RGS6: variants seen among roughly 807,000 people sequenced by gnomAD.
The protein encoded by RGS6 is regulator of G-protein signaling 6.
RGS6 carries 30 observed loss-of-function variants against 78.5 expected under a neutral mutation model. The ratio of observed to expected loss-of-function variants is 0.38; its 90% CI spans 0.29 to 0.52. The LOEUF (loss-of-function observed/expected upper bound fraction) is 0.52. Among genes scored for constraint, RGS6 ranks in the 20% least tolerant of loss-of-function variants. The probability of loss-of-function intolerance (pLI) is 0.85; values close to 1 mark genes in which losing one functional copy is unlikely to be tolerated. For missense variants in RGS6, 495 were observed against 609.7 expected, an observed-to-expected ratio of 0.81 and a Z score of 1.98; for synonymous variants, 206 against 206.0, an observed-to-expected ratio of 1.00 and a Z score of 0.00.
chr14:72,276,517 G>A (rs1184027631), intron 2 of RGS6, among the ~76,000 whole-genome samples: 3 of 152,194 alleles, frequency 2.0e-5, no homozygotes, highest in African/African-American at 2.4e-5. Context: ...TGGTTTTGCT[G>A]TGTCCCCACC....
chr14:72,311,067 C>G (rs570042452), intron 2 of RGS6, among the ~76,000 whole-genome samples: 5 of 152,230 alleles, frequency 3.3e-5, no homozygotes, highest in South Asian at 2.1e-4. Flanking sequence ...TGCGATCACT[C>G]TAGCCGAAGA....
intron 2 of RGS6, among the ~76,000 whole-genome samples, chr14:72,185,008 G>A (rs950188882): frequency 6.6e-6 from 1 of 152,176 alleles, no homozygotes; most frequent in African/African-American, 2.4e-5. Context: ...AAGTAGGGAA[G>A]CCAACAGTGT....
intron 3 of RGS6, among the ~76,000 whole-genome samples, chr14:72,366,286 C>G (rs2082438305): frequency 6.6e-6 from 1 of 152,050 alleles, no homozygotes; most frequent in African/African-American, 2.4e-5. Flanking sequence ...GTTGGTTCAC[C>G]TGTGGGTTCG....
At chr14:72,480,024 A>G (rs1013914696) in intron 12 of RGS6, among the ~76,000 whole-genome samples, 3 of 152,214 alleles carry the variant, frequency 2.0e-5, no homozygotes, top group African/African-American at 7.2e-5. Flanking sequence ...GCTCAGGTCC[A>G]GTGGTTCTAA....
chr14:72,381,208 A>G (rs984511354), intron 3 of RGS6, among the ~76,000 whole-genome samples: 1 of 152,084 alleles, frequency 6.6e-6, no homozygotes. Context: ...ACAAAATTAC[A>G]GATAGAAGTA....
At chr14:71,880,343 A>G in the RGS6 span, among the ~76,000 whole-genome samples, 1 of 152,246 alleles carries the variant, frequency 6.6e-6, no homozygotes, top group Non-Finnish European at 1.5e-5. Flanking sequence ...AGAAATTCGC[A>G]TTAGTAATGA....
At chr14:72,181,717 T>A (rs1435487437) in intron 2 of RGS6, among the ~76,000 whole-genome samples, 2 of 152,210 alleles carry the variant, frequency 1.3e-5, no homozygotes, top group South Asian at 2.1e-4. Flanking sequence ...AGGTTCTCTA[T>A]AACCTTGAAT....
the RGS6 span, among the ~76,000 whole-genome samples, chr14:72,608,753 TG>T: frequency 6.6e-6 from 1 of 152,208 alleles, no homozygotes; most frequent in East Asian, 1.9e-4. Context: ...GTGGCTTCCC[TG>T]GTGCTATGTA....
At chr14:72,629,077 G>A in the RGS6 span, among the ~76,000 whole-genome samples, 1 of 152,192 alleles carries the variant, frequency 6.6e-6, no homozygotes, top group African/African-American at 2.4e-5. Context: ...ACGACTGGAT[G>A]TTTGATTGTA....
chr14:71,917,574 T>A, the RGS6 span, among the ~76,000 whole-genome samples: 2 of 152,152 alleles, frequency 1.3e-5, no homozygotes, highest in African/African-American at 4.8e-5. Flanking sequence ...AAGTCACAGC[T>A]TAGGCTGCAG....
At chr14:72,073,438 T>G (rs1420084799) in intron 2 of RGS6, among the ~76,000 whole-genome samples, 1 of 152,218 alleles carries the variant, frequency 6.6e-6, no homozygotes, top group Non-Finnish European at 1.5e-5. Flanking sequence ...TATACATACA[T>G]TTAAGAAAGA....
chr14:72,068,394 C>A (rs908737710), intron 2 of RGS6, among the ~76,000 whole-genome samples: 1 of 152,036 alleles, frequency 6.6e-6, no homozygotes, highest in African/African-American at 2.4e-5. Flanking sequence ...CTCAGCCCCC[C>A]AAAGTGCTGA....
chr14:72,486,831 G>C (rs762428312), intron 12 of RGS6, among the ~76,000 whole-genome samples: 28 of 152,218 alleles, frequency 1.8e-4, no homozygotes, highest in Admixed American at 1.3e-4. Context: ...CAAGGAAAGG[G>C]TAAGGAGTCC....
the RGS6 span, among the ~76,000 whole-genome samples, chr14:71,890,029 T>C: frequency 6.6e-6 from 1 of 152,154 alleles, no homozygotes; most frequent in Non-Finnish European, 1.5e-5. Flanking sequence ...TCTGCCATGA[T>C]TGGAAGCTCT....
intron 2 of RGS6, among the ~76,000 whole-genome samples, chr14:72,323,559 T>C (rs189800641): frequency 1.4e-4 from 22 of 151,806 alleles, no homozygotes; most frequent in Admixed American, 1.2e-3. Flanking sequence ...CTATCAAATA[T>C]TAAAATGTAT....
intron 14 of RGS6, among the ~76,000 whole-genome samples, chr14:72,514,543 C>T (rs2096917298): frequency 6.6e-6 from 1 of 152,362 alleles, no homozygotes; most frequent in African/African-American, 2.4e-5. Context: ...CCAGTGGTAT[C>T]TGAGCCCAGG....
At chr14:72,167,137 G>C (rs1367810699) in intron 2 of RGS6, among the ~76,000 whole-genome samples, 1 of 152,162 alleles carries the variant, frequency 6.6e-6, no homozygotes, top group African/African-American at 2.4e-5. Context: ...CTATCTGAAA[G>C]CTCAACTGGG....
rs370396244 is a variant in RGS6 at position 71,964,784 on chromosome 14, C to T, written c.-8C>T. On this transcript the variant is annotated 5_prime_UTR_variant, in exon 2 of 18. Coordinates refer to ENST00000553525, the MANE Select transcript of RGS6 (RefSeq NM_001204424.2). ...TTTATTTTTGCAGTGTGAGTGAAGA[C>T]ACTCAGGATGGCTCAAGGATCCGGG... is the stretch of plus-strand genomic sequence containing the variant. 10 of 1,610,500 alleles carry T rather than the reference C, an allele frequency of 6.2e-6. No homozygotes were observed. In the Admixed American group the frequency reaches 1.0e-4, roughly 16 times the overall value.
chr14:71,943,895 G>T (rs369507599), intron 1 of RGS6, among the ~76,000 whole-genome samples: 1 of 152,134 alleles, frequency 6.6e-6, no homozygotes, highest in African/African-American at 2.4e-5. Flanking sequence ...ATGGACTAGT[G>T]GGGGTGCATG....
Sources: gnomAD v4.1 joint callset for allele counts (sites outside exome capture counted in the v4.1 genomes callset) on GRCh38, gnomAD v4.1.1 for gene constraint, MANE v1.5 for transcripts, NCBI Gene and HGNC (gene_info 2026-07-23, HGNC 2026-07-21) for gene names.